Variants in ARVCF observed in about 807,000 individuals in gnomAD.
The protein encoded by ARVCF is ARVCF delta catenin family member.
Under a neutral mutation model 90.9 loss-of-function variants are expected in ARVCF, and 66 were observed. That is an observed-to-expected ratio of 0.73 (90% CI 0.60 to 0.89). The LOEUF is 0.89. ARVCF is among the 40% of genes least tolerant of loss of function. The probability of loss-of-function intolerance (pLI) is 0.00; values close to 1 mark genes in which losing one functional copy is unlikely to be tolerated. For synonymous variants in ARVCF, 653 were observed against 603.4 expected, an observed-to-expected ratio of 1.08 and a Z score of -1.21; for missense variants, 1,469 against 1,382.3, an observed-to-expected ratio of 1.06 and a Z score of -1.00.
intron 5 of ARVCF, 102 bp from the exon 6 acceptor site, chr22:19,980,344 C>T: frequency 7.0e-7 from 1 of 1,420,328 alleles, no homozygotes; most frequent in Non-Finnish European, 9.2e-7. Context: ...ACTCACCCAG[C>T]AGCGCTGGGC....
chr22:19,978,854 G>T (rs1319576076), intron 7 of ARVCF, 43 bp downstream of exon 7: 1 of 1,578,900 alleles, frequency 6.3e-7, no homozygotes, highest in Admixed American at 1.7e-5. Context: ...CGAGGACGGG[G>T]CCTGGTGTGC....
In ARVCF at chr22:19,979,875, C is replaced by T; in HGVS notation, c.1264G>A (p.Gly422Arg). 1 of 1,608,104 alleles carries T rather than the reference C, an allele frequency of 6.2e-7. No homozygotes were observed. The highest frequency in any genetic ancestry group is 8.5e-7 in the Non-Finnish European group (1 of 1,178,270). The change falls in exon 6 of 20, where the codon GGG becomes AGG. Residue 422 changes from glycine to arginine, a missense_variant. Gly to Arg is a moderately radical substitution (Grantham distance 125, BLOSUM62 -2). Transcript: ENST00000263207. Reference sequence around the variant, plus strand: ...CCATAGGAGAGGTTGCGCAGTGCCCCACAGGCCCGGCGCCGCACCTCAGCC... The same window carrying T: ...CCATAGGAGAGGTTGCGCAGTGCCCTACAGGCCCGGCGCCGCACCTCAGCC... Reference protein sequence around the residue: ...PRAEVRRRACGALRNLSYGRD... With the variant: ...PRAEVRRRACRALRNLSYGRD...
intron 9 of ARVCF, among the ~76,000 whole-genome samples, chr22:19,977,049 C>T (rs1943196644): frequency 6.6e-6 from 1 of 152,156 alleles, no homozygotes; most frequent in South Asian, 2.1e-4. Context: ...GGCTGCCCCA[C>T]AGGTTGGTGG....
intron 2 of ARVCF, among the ~76,000 whole-genome samples, chr22:19,997,089 C>T (rs2531693): frequency 6.6e-6 from 1 of 152,126 alleles, no homozygotes; most frequent in East Asian, 1.9e-4. Context: ...CACTGGCCAG[C>T]CCCAGGGGGC....
Position 19,980,168 on chromosome 22 carries a change from G to T in ARVCF, c.971C>A (p.Pro324His). 1 of 1,580,074 alleles carries T rather than the reference G, an allele frequency of 6.3e-7. No individual in the cohort carries two copies. Among genetic ancestry groups the T allele is most frequent in the Non-Finnish European group, 8.6e-7 (1 of 1,163,946 alleles). ...ERPAFPMVTA[P>H]LAQPERGSMG... ...GCTGCCCCGTTCAGGCTGGGCCAGG[G>T]GCGCCGTCACCATTGGGAACGCAGG... The change falls in exon 6 of 20, where the codon CCC (proline) becomes CAC (histidine). Residue 324 changes from proline (P) to histidine (H), a missense_variant. Transcript: ENST00000263207.
Position 19,973,046 on chromosome 22 carries a change from CG to C in ARVCF, c.2439-11del. 1 of 1,611,886 alleles carries C rather than the reference CG, an allele frequency of 6.2e-7. No individual in the cohort carries two copies. On this transcript the variant is annotated splice_polypyrimidine_tract_variant and intron_variant, in intron 14 of 19. Transcript: ENST00000263207. ...TTCGCGTACCGATTGGCTGTGGGGC[CG>C]GGGGCGGGGTCAGTGGTGGCCCCTC...
chr22:19,971,154 A>C, intron 19 of ARVCF, 62 bp downstream of exon 19: 2 of 1,550,442 alleles, frequency 1.3e-6, no homozygotes, highest in East Asian at 4.9e-5. Context: ...GCGGAGACTA[A>C]CAAGAAGCCC....
chr22:19,980,349 C>G, intron 5 of ARVCF, 107 bp from the exon 6 acceptor site: 1 of 1,413,180 alleles, frequency 7.1e-7, no homozygotes, highest in Non-Finnish European at 9.2e-7. Flanking sequence ...CCCAGCAGCG[C>G]TGGGCTGAGA....
chr22:19,971,977 G>A lies in ARVCF; in HGVS notation c.2696-6C>T, dbSNP rs761554205. 1.2e-6 allele frequency: 2 copies of A among 1,607,220 alleles called. No homozygotes were observed. The highest frequency in any genetic ancestry group is 1.3e-5 in the African/African-American group (1 of 74,988). On this transcript the variant is annotated splice_region_variant and splice_polypyrimidine_tract_variant and intron_variant, in intron 17 of 19. Transcript: ENST00000263207. ...GTCCACCGTGGAGTATCCGTCTGTAGATGGGGTAAGGTGGGGCATGAGGGG... is the reference window on the plus strand; with the variant it reads ...GTCCACCGTGGAGTATCCGTCTGTAAATGGGGTAAGGTGGGGCATGAGGGG...
downstream of ARVCF, chr22:19,969,737 T>C (rs1426955262): frequency 7.9e-6 from 6 of 759,182 alleles, no homozygotes; most frequent in East Asian, 1.3e-4. Context: ...GTGGACAAGT[T>C]TGGGGCCACC....
At chr22:19,994,307 T>C (rs1357447650) in intron 2 of ARVCF, among the ~76,000 whole-genome samples, 1 of 125,388 alleles carries the variant, frequency 8.0e-6, no homozygotes, top group East Asian at 2.3e-4. Flanking sequence ...TATAGATGAA[T>C]GAATGGATGG....
chr22:20,009,773 A>G (rs1944758615), intron 2 of ARVCF, among the ~76,000 whole-genome samples: 1 of 152,224 alleles, frequency 6.6e-6, no homozygotes, highest in Non-Finnish European at 1.5e-5. Flanking sequence ...GTCCCACTGG[A>G]GCTAGCAGCC....
chr22:20,007,093 A>G (rs1944657377), intron 2 of ARVCF, among the ~76,000 whole-genome samples: 2 of 152,118 alleles, frequency 1.3e-5, no homozygotes, highest in Admixed American at 1.3e-4. Flanking sequence ...GTCTGTACAA[A>G]AAATACAAAA....
At chr22:19,997,313 C>T (rs968236940) in intron 2 of ARVCF, among the ~76,000 whole-genome samples, 2 of 152,208 alleles carry the variant, frequency 1.3e-5, no homozygotes, top group African/African-American at 4.8e-5. Flanking sequence ...GCAACTGTCC[C>T]TCCTCTGTGG....
In ARVCF at chr22:19,975,692, C is replaced by T. The variant is rs868589276; in HGVS notation, c.1954G>A (p.Ala652Thr). The change falls in exon 11 of 20, where the codon GCC becomes ACC. Residue 652 changes from alanine to threonine, a missense_variant. Transcript: ENST00000263207. ...TTCATCTCAGCCCACTCACCTTTGG[C>T]GGCCTCAGTTCGCTTGGGCAGGTCT... is the stretch of plus-strand genomic sequence containing the variant. ...TLDLPKRTEA[A>T]KGFELLYQPE... is the part of the protein sequence containing the mutation. 4 of 1,613,478 alleles carry T rather than the reference C, an allele frequency of 2.5e-6. No homozygotes were observed. In the East Asian group the frequency reaches 6.7e-5, roughly 27 times the overall value.
intron 11 of ARVCF, among the ~76,000 whole-genome samples, chr22:19,975,463 C>G (rs1943100324): frequency 1.3e-5 from 2 of 152,224 alleles, no homozygotes; most frequent in Admixed American, 6.5e-5. Context: ...CTGTCTCCCC[C>G]AACCTTGCCT....
intron 3 of ARVCF, among the ~76,000 whole-genome samples, chr22:19,986,326 C>A (rs988013937): frequency 6.6e-6 from 1 of 152,214 alleles, no homozygotes; most frequent in African/African-American, 2.4e-5. Flanking sequence ...CTGCCTCCCA[C>A]CACAGAGGGT....
At position 19,991,884 on chromosome 22, in the gene ARVCF, G is replaced by C. The variant is rs947099108; in HGVS notation, c.-18-1072C>G. Among the ~76,000 whole-genome samples the C allele has an allele frequency of 2.6e-5, 4 of 152,336 alleles. 1 individual carries two copies. Among genetic ancestry groups the C allele is most frequent in the African/African-American group, 9.6e-5 (4 of 41,590 alleles). ...TGGCCGGGTGCCCAGGGCTGCTCAG[G>C]CATCCTCCTGCCCAGTCCCGCCAGC... On this transcript the variant is annotated intron_variant, in intron 2 of 19. Coordinates refer to ENST00000263207, the MANE Select transcript of ARVCF (RefSeq NM_001670.3).
downstream of ARVCF, chr22:19,967,140 T>G: frequency 7.7e-7 from 1 of 1,298,936 alleles, no homozygotes; most frequent in Non-Finnish European, 1.0e-6. Context: ...CCTTCCCTCC[T>G]TCTTTCCTGT....
Sources: gnomAD v4.1 joint callset for allele counts (sites outside exome capture counted in the v4.1 genomes callset) on GRCh38, gnomAD v4.1.1 for gene constraint, MANE v1.5 for transcripts, NCBI Gene and HGNC (gene_info 2026-07-23, HGNC 2026-07-21) for gene names.